Variants in ADGRL3 observed in about 807,000 individuals in gnomAD.
The protein encoded by ADGRL3 is adhesion G protein-coupled receptor L3, also known as calcium-independent alpha-latrotoxin receptor 3.
In ADGRL3, 62 loss-of-function variants were observed where a neutral mutation model predicts 153.5. That is an observed-to-expected ratio of 0.40 (90% CI 0.33 to 0.50). The LOEUF is 0.50. Ranked by LOEUF, ADGRL3 falls within the 20% of genes least tolerant of loss-of-function variation. The probability of loss-of-function intolerance (pLI) is 0.47; values close to 1 mark genes in which losing one functional copy is unlikely to be tolerated. For synonymous variants in ADGRL3, 710 were observed against 672.5 expected (o/e 1.06, Z -0.86); for missense variants, 1,641 against 1,859.4 (o/e 0.88, Z 2.16).
chr4:61,902,816 T>C (rs1339341989), intron 11 of ADGRL3, among the ~76,000 whole-genome samples: 3 of 152,178 alleles, frequency 2.0e-5, no homozygotes, highest in Non-Finnish European at 4.4e-5. Context: ...AAATGTCTAC[T>C]CTACCACACT....
At chr4:61,904,119 T>C (rs1413827448) in intron 11 of ADGRL3, among the ~76,000 whole-genome samples, 3 of 151,664 alleles carry the variant, frequency 2.0e-5, no homozygotes, top group African/African-American at 4.9e-5. Flanking sequence ...CTTCCAACAT[T>C]TTTGTTGTTA....
chr4:61,600,603 A>G (rs915207519), intron 5 of ADGRL3, among the ~76,000 whole-genome samples: 11 of 152,216 alleles, frequency 7.2e-5, no homozygotes, highest in African/African-American at 2.7e-4. Flanking sequence ...TTATAAACAT[A>G]GAAAAATCTG....
At chr4:61,939,871 T>C (rs1210222714) in intron 15 of ADGRL3, among the ~76,000 whole-genome samples, 2 of 152,208 alleles carry the variant, frequency 1.3e-5, no homozygotes, top group Non-Finnish European at 2.9e-5. Flanking sequence ...GACTCACTGA[T>C]GATGTTCCAC....
chr4:61,958,393 CTTTCTTT>C (rs2098975776), intron 17 of ADGRL3, among the ~76,000 whole-genome samples: 1 of 140,136 alleles, frequency 7.1e-6, no homozygotes, highest in Non-Finnish European at 1.5e-5. Context: ...TTCTTTCTTT[CTTTCTTT>C]CTTTCTTTCT....
intron 26 of ADGRL3, among the ~76,000 whole-genome samples, chr4:62,069,766 T>G (rs1291638686): frequency 6.6e-6 from 1 of 152,128 alleles, no homozygotes; most frequent in African/African-American, 2.4e-5. Context: ...ACACCAAAAT[T>G]TTATGTTATT....
chr4:61,587,076 G>T (rs1273846157), intron 4 of ADGRL3, 151 bp from the exon 5 acceptor site: 3 of 473,584 alleles, frequency 6.3e-6, no homozygotes, highest in African/African-American at 3.9e-5. Context: ...TTACTGAAGA[G>T]AAAAATATTC....
intron 2 of ADGRL3, among the ~76,000 whole-genome samples, chr4:61,429,417 A>G (rs546110046): frequency 6.6e-5 from 10 of 152,290 alleles, no homozygotes; most frequent in South Asian, 2.1e-4. Context: ...GAGAGACAAG[A>G]TGCTTTGGAT....
At chr4:61,254,326 G>A (rs2091760878) in intron 1 of ADGRL3, among the ~76,000 whole-genome samples, 1 of 152,030 alleles carries the variant, frequency 6.6e-6, no homozygotes, top group Non-Finnish European at 1.5e-5. Flanking sequence ...ATGAGTTAGG[G>A]ATATAGTGTG....
At position 61,263,958 on chromosome 4, in the gene ADGRL3, T is replaced by C. The variant is rs1365021150; in HGVS notation, c.-240+62193T>C. On this transcript the variant is annotated intron_variant, in intron 1 of 26. Transcript: ENST00000683033. ...TTTCCTTTGTAATAACGGGAAATTATTTTGAGATAGGCTTGTTGGTATCCT... is the reference window on the plus strand; with the variant it reads ...TTTCCTTTGTAATAACGGGAAATTACTTTGAGATAGGCTTGTTGGTATCCT... 2.6e-5 allele frequency among the ~76,000 whole-genome samples: 4 copies of C among 151,960 alleles called. No individual in the cohort carries two copies. In the South Asian group the frequency reaches 6.2e-4, roughly 24 times the overall value.
chr4:61,628,842 A>G (rs1330125238), intron 5 of ADGRL3, among the ~76,000 whole-genome samples: 1 of 152,192 alleles, frequency 6.6e-6, no homozygotes, highest in Admixed American at 6.5e-5. Context: ...AGCATTAAAG[A>G]AAATAAAATT....
At chr4:61,623,597 C>T (rs1026229348) in intron 5 of ADGRL3, among the ~76,000 whole-genome samples, 4 of 152,118 alleles carry the variant, frequency 2.6e-5, no homozygotes, top group African/African-American at 9.7e-5. Context: ...TCTCTCCCAT[C>T]CTTACCTGTA....
At chr4:61,981,169 AT>A (rs2099067005) in intron 18 of ADGRL3, among the ~76,000 whole-genome samples, 1 of 152,218 alleles carries the variant, frequency 6.6e-6, no homozygotes, top group Admixed American at 6.5e-5. Context: ...ACATATTGTC[AT>A]TATTTTTTTC....
chr4:62,062,162 T>A (rs975596099), intron 25 of ADGRL3, among the ~76,000 whole-genome samples: 5 of 152,052 alleles, frequency 3.3e-5, no homozygotes, highest in Non-Finnish European at 7.4e-5. Flanking sequence ...TGTAGTAATG[T>A]CTCATTGGGG....
chr4:61,964,536 T>G (rs2150538511), intron 17 of ADGRL3, among the ~76,000 whole-genome samples: 1 of 152,220 alleles, frequency 6.6e-6, no homozygotes, highest in Admixed American at 6.5e-5. Flanking sequence ...AATTGTCTAA[T>G]AATAGCTTTG....
chr4:61,891,662 A>G (rs1052638466), intron 9 of ADGRL3, among the ~76,000 whole-genome samples: 8 of 152,170 alleles, frequency 5.3e-5, no homozygotes, highest in Non-Finnish European at 1.0e-4. Context: ...TCATATCAGA[A>G]TGCCCTACAT....
intron 1 of ADGRL3, among the ~76,000 whole-genome samples, chr4:61,341,404 G>T (rs2095805059): frequency 6.6e-6 from 1 of 151,658 alleles, no homozygotes; most frequent in African/African-American, 2.4e-5. Flanking sequence ...TAAAAAGTAT[G>T]AACCTCGAAC....
At chr4:61,993,835 T>G (rs1221245109) in intron 19 of ADGRL3, among the ~76,000 whole-genome samples, 1 of 152,160 alleles carries the variant, frequency 6.6e-6, no homozygotes, top group Non-Finnish European at 1.5e-5. Context: ...CCTTGAATTC[T>G]CTGGTTTGTT....
chr4:61,704,421 TA>T (rs1315523374), intron 6 of ADGRL3, among the ~76,000 whole-genome samples: 3 of 152,198 alleles, frequency 2.0e-5, no homozygotes, highest in Non-Finnish European at 4.4e-5. Flanking sequence ...TATTTATGTC[TA>T]AAAAATACAT....
rs1310740806 is a variant in ADGRL3 at position 61,876,862 on chromosome 4, G to A, written c.1481-15794G>A. On this transcript the variant is annotated intron_variant, in intron 9 of 26. Transcript: ENST00000683033. ...CTCGGGCTGCTCTGTCTATGGAGTAGCCATTATTTTATTCCTTTACTTTCT... is the reference window on the plus strand; with the variant it reads ...CTCGGGCTGCTCTGTCTATGGAGTAACCATTATTTTATTCCTTTACTTTCT... Among the ~76,000 whole-genome samples the A allele has an allele frequency of 6.1e-5, 9 of 147,970 alleles. No individual in the cohort carries two copies. The East Asian group carries it at 1.2e-3, about 20-fold the overall frequency.
Sources: allele counts gnomAD v4.1 joint callset (sites outside exome capture counted in the v4.1 genomes callset), GRCh38; gene constraint gnomAD v4.1.1; transcripts MANE v1.5; gene names NCBI Gene and HGNC (gene_info 2026-07-23, HGNC 2026-07-21).